The following LY86 variants were observed in gnomAD, a reference collection of about 807,000 sequenced individuals.
The protein encoded by LY86 is MD-1, RP105-associated.
LY86 carries 20 observed loss-of-function variants against 17.3 expected under a neutral mutation model. The observed-to-expected ratio is 1.15, with a 90% CI of 0.81 to 1.68. The LOEUF is 1.68. Ranked by LOEUF, LY86 falls within the 40% of genes most tolerant of loss-of-function variation. LY86 has a pLI of 0.00. For missense variants in LY86, 200 were observed against 191.9 expected (o/e 1.04, Z -0.25); for synonymous variants, 74 against 70.6 (o/e 1.05, Z -0.24).
At chr6:6,603,193 A>G (rs542940362) in intron 1 of LY86, among the ~76,000 whole-genome samples, 3 of 152,232 alleles carry the variant, frequency 2.0e-5, no homozygotes, top group African/African-American at 7.2e-5. Flanking sequence ...TGATGTCCCA[A>G]AGCCTCCACC....
Position 6,639,734 on chromosome 6 carries a change from A to C in LY86, c.353-9891A>C, listed in dbSNP as rs1762012339. Among the ~76,000 whole-genome samples, 3 of 152,146 alleles carry C rather than the reference A, an allele frequency of 2.0e-5. No individual in the cohort carries two copies. In the South Asian group the frequency reaches 6.2e-4, roughly 32 times the overall value. On this transcript the variant is annotated intron_variant, in intron 3 of 4. Coordinates refer to ENST00000230568, the MANE Select transcript of LY86 (RefSeq NM_004271.4). ...GTAATCTACCCATCTCAAAATCCTT[A>C]ATTCAGTCACATCTGCAGAGTTCCT...
intron 3 of LY86, among the ~76,000 whole-genome samples, chr6:6,643,837 T>A (rs1762073571): frequency 6.6e-6 from 1 of 152,212 alleles, no homozygotes; most frequent in African/African-American, 2.4e-5. Context: ...CTTAAATATA[T>A]ACAATTTTTA....
chr6:6,628,036 CT>C (rs202086977), intron 3 of LY86, among the ~76,000 whole-genome samples: 74 of 147,484 alleles, frequency 5.0e-4, no homozygotes, highest in Middle Eastern at 3.5e-3. Flanking sequence ...CAAATTGGGA[CT>C]TTTTTTTTTT....
intron 1 of LY86, among the ~76,000 whole-genome samples, chr6:6,608,141 C>G (rs1370672623): frequency 6.6e-6 from 1 of 152,130 alleles, no homozygotes; most frequent in East Asian, 1.9e-4. Context: ...CACTTGTATT[C>G]AGCATTGTAC....
At chr6:6,612,258 T>C (rs1078086) in intron 1 of LY86, among the ~76,000 whole-genome samples, 45,778 of 152,124 alleles carry the variant, frequency 0.3, 7,471 homozygotes, top group East Asian at 0.51. Context: ...TTCCTTCTGA[T>C]GTTCAGATGT....
chr6:6,624,605 G>A (rs1328944141), intron 1 of LY86, among the ~76,000 whole-genome samples: 1 of 152,026 alleles, frequency 6.6e-6, no homozygotes, highest in Non-Finnish European at 1.5e-5. Context: ...AAGGCCAAAC[G>A]TTCAGGAACT....
chr6:6,630,417 C>T (rs1732272480), intron 3 of LY86, among the ~76,000 whole-genome samples: 1 of 152,224 alleles, frequency 6.6e-6, no homozygotes, highest in Non-Finnish European at 1.5e-5. Context: ...CACTGTTTTA[C>T]TTTCTTCTCT....
intron 1 of LY86, among the ~76,000 whole-genome samples, chr6:6,603,812 C>CT (rs1761003389): frequency 6.6e-6 from 1 of 151,578 alleles, no homozygotes. Context: ...CTACAACCTT[C>CT]TAAGAGTTAC....
intron 1 of LY86, among the ~76,000 whole-genome samples, chr6:6,602,709 G>A (rs1051117083): frequency 1.2e-4 from 18 of 152,250 alleles, no homozygotes; most frequent in Admixed American, 4.6e-4. Context: ...CCTTAGAGAT[G>A]TCATATCTCA....
At chr6:6,640,933 C>T (rs928457417) in intron 3 of LY86, among the ~76,000 whole-genome samples, 1 of 152,194 alleles carries the variant, frequency 6.6e-6, no homozygotes, top group Non-Finnish European at 1.5e-5. Flanking sequence ...AATAAAATCT[C>T]ACATGCCTCG....
At chr6:6,614,492 C>T (rs922036157) in intron 1 of LY86, among the ~76,000 whole-genome samples, 1 of 151,990 alleles carries the variant, frequency 6.6e-6, no homozygotes, top group Non-Finnish European at 1.5e-5. Context: ...CCTGCGCATA[C>T]CAGGCTCTCT....
rs1260950510 is a variant in LY86 at position 6,654,602 on chromosome 6, C to T, written c.464C>T (p.Ala155Val). 4 of 1,614,164 alleles carry T rather than the reference C, an allele frequency of 2.5e-6. No individual in the cohort carries two copies. The South Asian group carries it at 4.4e-5, about 18-fold the overall frequency. Residue 155 changes from alanine to valine, a missense_variant, in exon 5 of 5, where the codon GCC becomes GTC. Ala to Val is a moderately conservative substitution (Grantham distance 64). Coordinates refer to ENST00000230568, the MANE Select transcript of LY86 (RefSeq NM_004271.4). ...GAAAAACGGTCCACCGTGGCCTGTG[C>T]CAATGCTACTATCATGTGCTCCTGA... is the stretch of plus-strand genomic sequence containing the variant. ...YTEKRSTVAC[A>V]NATIMCS
At chr6:6,625,573 T>C (rs898551389) in intron 2 of LY86, among the ~76,000 whole-genome samples, 7 of 152,224 alleles carry the variant, frequency 4.6e-5, no homozygotes, top group Non-Finnish European at 8.8e-5. Context: ...CTATAGCTAC[T>C]AGACGACCTC....
At chr6:6,612,536 A>G (rs559667468) in intron 1 of LY86, among the ~76,000 whole-genome samples, 2 of 152,234 alleles carry the variant, frequency 1.3e-5, no homozygotes, top group South Asian at 2.1e-4. Flanking sequence ...AACCAACCAC[A>G]CAAAAGCAAC....
At chr6:6,651,517 C>T (rs1295997143) in intron 4 of LY86, among the ~76,000 whole-genome samples, 2 of 152,164 alleles carry the variant, frequency 1.3e-5, no homozygotes, top group African/African-American at 4.8e-5. Context: ...CACCTGTCTT[C>T]ACTTCTAGTA....
chr6:6,604,175 CTA>C (rs1491574300), intron 1 of LY86, among the ~76,000 whole-genome samples: 1 of 152,080 alleles, frequency 6.6e-6, no homozygotes, highest in Non-Finnish European at 1.5e-5. Flanking sequence ...CACTGGGTCT[CTA>C]AATTTTTAAC....
intron 1 of LY86, among the ~76,000 whole-genome samples, chr6:6,597,324 G>C (rs113525077): frequency 0.02 from 2,982 of 152,304 alleles, 69 homozygotes; most frequent in East Asian, 0.061. Flanking sequence ...AGGAGCTCCA[G>C]GTGGACAGAG....
At chr6:6,596,595 T>C (rs1394789734) in intron 1 of LY86, among the ~76,000 whole-genome samples, 1 of 152,192 alleles carries the variant, frequency 6.6e-6, no homozygotes, top group Non-Finnish European at 1.5e-5. Context: ...CGCGCAGGAT[T>C]GAACAGCTAG....
At chr6:6,626,522 C>T in intron 3 of LY86, 101 bp downstream of exon 3, 1 of 1,362,640 alleles carries the variant, frequency 7.3e-7, no homozygotes, top group Non-Finnish European at 1.0e-6. Flanking sequence ...TCTGTCTCTG[C>T]CCCTCGCCTT....
Sources: allele counts gnomAD v4.1 joint callset (sites outside exome capture counted in the v4.1 genomes callset), GRCh38; gene constraint gnomAD v4.1.1; transcripts MANE v1.5; gene names NCBI Gene and HGNC (gene_info 2026-07-23, HGNC 2026-07-21).